The following ZNF700 variants were observed in gnomAD, a reference collection of about 807,000 sequenced individuals.
ZNF700 encodes the protein zinc finger protein 700.
A neutral mutation model predicts 65.3 loss-of-function variants in ZNF700; 38 were observed. The observed-to-expected ratio is 0.58, with a 90% CI of 0.45 to 0.76. The LOEUF (loss-of-function observed/expected upper bound fraction) is 0.76, where lower values mean the gene tolerates loss of function less well. ZNF700 is among the 30% of genes least tolerant of loss of function. The probability of loss-of-function intolerance (pLI) is 0.00; values close to 1 mark genes in which losing one functional copy is unlikely to be tolerated. For missense variants in ZNF700, 857 were observed against 888.4 expected (o/e 0.96, Z 0.45); for synonymous variants, 285 against 290.4 (o/e 0.98, Z 0.19).
chr19:11,948,009 C>T (rs146088400), intron 3 of ZNF700, among the ~76,000 whole-genome samples: 16 of 152,136 alleles, frequency 1.1e-4, no homozygotes, highest in South Asian at 2.1e-4. Flanking sequence ...GAACTGGACT[C>T]AAAAGAAAAA....
At position 11,949,967 on chromosome 19, in the gene ZNF700, A is replaced by G. The variant is rs748111823; in HGVS notation, c.1943A>G (p.Tyr648Cys). 2.4e-5 allele frequency: 39 copies of G among 1,614,016 alleles called. No homozygotes were observed. The highest frequency in any genetic ancestry group is 3.2e-5 in the Non-Finnish European group (38 of 1,180,040). ...HERTHTGEKP[Y>C]ECKECEKAFC... The stretch of plus-strand genomic sequence containing the variant: ...AGGACTCACACTGGAGAGAAACCCT[A>G]TGAATGTAAGGAATGCGAAAAAGCA... The change falls in exon 4 of 4, where the codon TAT (tyrosine) becomes TGT (cysteine). Residue 648 changes from tyrosine to cysteine, a missense_variant. By Grantham distance (194) the Tyr-to-Cys change is radical. Coordinates refer to ENST00000254321, the MANE Select transcript of ZNF700 (RefSeq NM_144566.3).
rs766452277 is a variant in ZNF700, at chr19:11,947,270, A to T, written c.153A>T (p.Glu51Asp). ...TTTCCCAGAAGAATCTCTTCAGGGA[A>T]GTGATGCTGGAAACTTTCAGGAACC... ...LDISQKNLFREVMLETFRNLT... is the reference protein window; with the variant it reads ...LDISQKNLFRDVMLETFRNLT... The change falls in exon 2 of 4, where the codon GAA (glutamate) becomes GAT (aspartate). Residue 51 changes from glutamate to aspartate, a missense_variant. Physicochemically the swap from Glu to Asp is conservative, Grantham distance 45 (BLOSUM62 2). This residue lies in a region of ZNF700 where 603 missense variants were observed against 619.9 expected (regional missense o/e 0.97). Transcript: ENST00000254321. 4.3e-6 allele frequency: 7 copies of T among 1,613,990 alleles called. No homozygotes were observed. In the African/African-American group the frequency reaches 9.3e-5, roughly 22 times the overall value.
rs1280681251 is a variant in ZNF700 at position 11,946,982 on chromosome 19, CT to C, written c.64-198del. Reference sequence around the variant, plus strand: ...CAGCCTGGGCAACAAGAGTGAAACTCTGTCTCAAAAAATAAATAAATAAATA... The same window carrying C: ...CAGCCTGGGCAACAAGAGTGAAACTCGTCTCAAAAAATAAATAAATAAATA... On this transcript the variant is annotated intron_variant, in intron 1 of 3. Coordinates refer to ENST00000254321, the MANE Select transcript of ZNF700 (RefSeq NM_144566.3). 2.8e-5 allele frequency: 29 copies of C among 1,045,294 alleles called. No homozygotes were observed. The Admixed American group carries it at 1.0e-3, about 37-fold the overall frequency. 64.8% of individuals were successfully genotyped at this position (1,045,294 alleles called of 1,614,324 possible).
In ZNF700 at chr19:11,925,236, G is replaced by A. The variant is rs749317340; in HGVS notation, c.26G>A (p.Cys9Tyr). ...ATGCCCTGCTGTAGTCACAGGAGCTGTAGAGAGGACCCCGGTACATCTGAA... is the reference window on the plus strand; with the variant it reads ...ATGCCCTGCTGTAGTCACAGGAGCTATAGAGAGGACCCCGGTACATCTGAA... MPCCSHRS[C>Y]REDPGTSESR... The change falls in exon 1 of 4, where the codon TGT becomes TAT. Residue 9 changes from cysteine (C) to tyrosine (Y), a missense_variant. By Grantham distance (194) the Cys-to-Tyr change is radical. Coordinates refer to ENST00000254321, the MANE Select transcript of ZNF700 (RefSeq NM_144566.3). The A allele has an allele frequency of 6.2e-7, 1 of 1,613,162 alleles. No homozygotes were observed. Among genetic ancestry groups the A allele is most frequent in the South Asian group, 1.1e-5 (1 of 91,078 alleles).
rs1160324852 is a variant in ZNF700, at chr19:11,934,719, G to T, written c.63+9446G>T. Among the ~76,000 whole-genome samples, 4 of 147,146 alleles carry T rather than the reference G, an allele frequency of 2.7e-5. 1 individual carries two copies. The highest frequency in any genetic ancestry group is 5.4e-5 in the African/African-American group (2 of 37,228). ...TTTTTGTATTATTAGTAGAGATGAG[G>T]TTTTACCATGTTGGCCAGGCAGGTC... On this transcript the variant is annotated intron_variant, in intron 1 of 3. Coordinates refer to ENST00000254321, the MANE Select transcript of ZNF700 (RefSeq NM_144566.3).
At chr19:11,931,674 C>T (rs971509588) in intron 1 of ZNF700, among the ~76,000 whole-genome samples, 3 of 147,834 alleles carry the variant, frequency 2.0e-5, no homozygotes, top group African/African-American at 7.9e-5. Flanking sequence ...AGAGAGGTTA[C>T]ATCATAGTGA....
chr19:11,945,952 A>G (rs2145297785), intron 1 of ZNF700, among the ~76,000 whole-genome samples: 1 of 152,224 alleles, frequency 6.6e-6, no homozygotes. Context: ...GGCTTCGATT[A>G]TATCAATAGT....
chr19:11,929,635 A>G (rs1972684938), intron 1 of ZNF700, among the ~76,000 whole-genome samples: 1 of 148,118 alleles, frequency 6.8e-6, no homozygotes. Flanking sequence ...ACCTTAGGAC[A>G]CTACACACAG....
At chr19:11,935,951 T>C (rs1013295171) in intron 1 of ZNF700, among the ~76,000 whole-genome samples, 7 of 152,316 alleles carry the variant, frequency 4.6e-5, no homozygotes, top group African/African-American at 1.7e-4. Flanking sequence ...AGTGAGAATA[T>C]GCAGTGTTTG....
intron 1 of ZNF700, among the ~76,000 whole-genome samples, chr19:11,939,537 T>G (rs958365167): frequency 1.1e-4 from 17 of 152,204 alleles, no homozygotes; most frequent in African/African-American, 3.9e-4. Context: ...GATGGTTGTA[T>G]ATGTGTGGTA....
chr19:11,944,899 C>G (rs1364892534), intron 1 of ZNF700, among the ~76,000 whole-genome samples: 8 of 152,192 alleles, frequency 5.3e-5, no homozygotes, highest in African/African-American at 1.9e-4. Flanking sequence ...TATGCACAGC[C>G]AGTATGACTG....
At chr19:11,947,407 T>C in intron 2 of ZNF700, 100 bp downstream of exon 2, 1 of 1,603,592 alleles carries the variant, frequency 6.2e-7, no homozygotes, top group East Asian at 2.2e-5. Flanking sequence ...GGAAATACCT[T>C]GATGAATAAA....
In ZNF700 at chr19:11,925,154, A is replaced by G. The variant is rs976246938; in HGVS notation, c.-57A>G. On this transcript the variant is annotated 5_prime_UTR_variant, in exon 1 of 4. Coordinates refer to ENST00000254321, the MANE Select transcript of ZNF700 (RefSeq NM_144566.3). The stretch of plus-strand genomic sequence containing the variant: ...GCGGCGGTTGGTAACCGGTCAGACC[A>G]GCCCGAGAGGGACCTGGTGCCTGTA... 2.9e-5 allele frequency: 46 copies of G among 1,601,376 alleles called. No homozygotes were observed. The highest frequency in any genetic ancestry group is 1.3e-5 in the African/African-American group (1 of 74,464).
intron 1 of ZNF700, among the ~76,000 whole-genome samples, chr19:11,931,796 C>A (rs1972717787): frequency 6.8e-6 from 1 of 148,124 alleles, no homozygotes; most frequent in African/African-American, 2.6e-5. Context: ...CTTCTTGAGA[C>A]TTTTTTGGAC....
rs1973008127 is a variant in ZNF700, at chr19:11,948,893, C to G, written c.869C>G (p.Ser290Cys). The G allele has an allele frequency of 1.9e-6, 3 of 1,604,064 alleles. No homozygotes were observed. Among genetic ancestry groups the G allele is most frequent in the African/African-American group, 1.4e-5 (1 of 74,002 alleles). ...AAATGTGATAAAGCATTTCATAGTT[C>G]TAGTTCCTATCATAGACATGAAAGA... ...CSKCDKAFHS[S>C]SSYHRHERSH... The change falls in exon 4 of 4, where the codon TCT becomes TGT. Residue 290 changes from serine to cysteine, a missense_variant. This residue lies in a region of ZNF700 where 603 missense variants were observed against 619.9 expected (regional missense o/e 0.97). Coordinates refer to ENST00000254321, the MANE Select transcript of ZNF700 (RefSeq NM_144566.3).
intron 1 of ZNF700, 87 bp downstream of exon 1, chr19:11,925,360 C>T (rs531281320): frequency 3.5e-5 from 55 of 1,571,818 alleles, no homozygotes; most frequent in East Asian, 1.9e-4. Flanking sequence ...CCGGGCCTCC[C>T]TGTGGGCGAC....
intron 1 of ZNF700, among the ~76,000 whole-genome samples, chr19:11,942,577 G>C (rs1474248903): frequency 6.6e-6 from 1 of 152,196 alleles, no homozygotes; most frequent in East Asian, 1.9e-4. Context: ...CCCAGAGAGA[G>C]AGAAATTCCT....
At chr19:11,933,837 T>TC (rs1363241240) in intron 1 of ZNF700, among the ~76,000 whole-genome samples, 1 of 137,446 alleles carries the variant, frequency 7.3e-6, no homozygotes, top group African/African-American at 3.1e-5. Flanking sequence ...GGAGCAAGAC[T>TC]CCATCTCAGA....
chr19:11,939,483 A>G (rs1281317306), intron 1 of ZNF700, among the ~76,000 whole-genome samples: 1 of 152,218 alleles, frequency 6.6e-6, no homozygotes, highest in Non-Finnish European at 1.5e-5. Context: ...TAAATAGGGA[A>G]TCGTTTCCCC....
Sources: allele counts gnomAD v4.1 joint callset (sites outside exome capture counted in the v4.1 genomes callset), GRCh38; gene constraint gnomAD v4.1.1; regional missense constraint gnomAD v4.1.1; transcripts MANE v1.5; gene names NCBI Gene and HGNC (gene_info 2026-07-23, HGNC 2026-07-21).